The following PPM1H variants were observed in gnomAD, a reference collection of about 807,000 sequenced individuals.
The protein encoded by PPM1H is protein phosphatase 1H.
Under a neutral mutation model 54.9 loss-of-function variants are expected in PPM1H, and 27 were observed. The observed-to-expected ratio is 0.49, with a 90% confidence interval of 0.36 to 0.68. PPM1H has a LOEUF of 0.68. Ranked by LOEUF, PPM1H falls within the 30% of genes least tolerant of loss-of-function variation. PPM1H has a pLI of 0.00. For missense variants in PPM1H, 596 were observed against 667.8 expected (o/e 0.89, Z 1.19); for synonymous variants, 305 against 270.8 (o/e 1.13, Z -1.24).
At chr12:62,881,447 G>A (rs901571512) in intron 1 of PPM1H, among the ~76,000 whole-genome samples, 1 of 152,044 alleles carries the variant, frequency 6.6e-6, no homozygotes, top group Non-Finnish European at 1.5e-5. Flanking sequence ...AAGGAAGGGG[G>A]AGGGGGGAAG....
chr12:62,878,626 TAAAAAAAAAAAAAAAA>T (rs34587900), intron 1 of PPM1H, among the ~76,000 whole-genome samples: 6 of 81,564 alleles, frequency 7.4e-5, no homozygotes, highest in African/African-American at 1.5e-4. Flanking sequence ...TGATTACGCT[TAAAAAAAAAAAAAAAA>T]AAAAAAAAAA....
chr12:62,880,715 C>T (rs1169134022), intron 1 of PPM1H, among the ~76,000 whole-genome samples: 2 of 152,204 alleles, frequency 1.3e-5, no homozygotes, highest in African/African-American at 4.8e-5. Context: ...TCACTTGTCC[C>T]GTGCTCAGCT....
Position 62,934,857 on chromosome 12 carries a change from C to A in PPM1H, c.-121G>T, listed in dbSNP as rs1872278642. ...CGCACGGCGAGTCGGGCCACTGGGA[C>A]GCGCCGCGCGCGGCTCCCAGAGCCT... On this transcript the variant is annotated 5_prime_UTR_variant, in exon 1 of 10. Transcript: ENST00000228705. This position sits in a 1 kb window ranked among gnomAD's most constrained non-coding sequence, Gnocchi z 4.2. The A allele has an allele frequency of 4.0e-6, 4 of 1,006,668 alleles. No homozygotes were observed. Among genetic ancestry groups the A allele is most frequent in the South Asian group, 1.0e-4 (2 of 19,880 alleles). 62.4% of individuals were successfully genotyped at this position (1,006,668 alleles called of 1,614,324 possible). A position where few individuals can be genotyped will look rare whatever the true frequency, so the allele number is the denominator to read the frequency against.
chr12:62,930,597 T>TA (rs1253432810), intron 1 of PPM1H, among the ~76,000 whole-genome samples: 1 of 151,488 alleles, frequency 6.6e-6, no homozygotes, highest in African/African-American at 2.4e-5. Flanking sequence ...GGCAAACAGG[T>TA]AAAAAAAGAA....
intron 7 of PPM1H, among the ~76,000 whole-genome samples, chr12:62,690,173 GATCCATCC>G (rs747377788): frequency 4.0e-5 from 6 of 151,778 alleles, no homozygotes; most frequent in African/African-American, 1.4e-4. Context: ...AGGATTGATC[GATCCATCC>G]ATCCATCCAT....
chr12:62,930,536 T>C (rs1872099932), intron 1 of PPM1H, among the ~76,000 whole-genome samples: 1 of 152,210 alleles, frequency 6.6e-6, no homozygotes, highest in Admixed American at 6.5e-5. Context: ...ACAAATTCCA[T>C]GCCTGCTGGC....
chr12:62,792,066 A>G (rs1318825647), intron 3 of PPM1H, among the ~76,000 whole-genome samples: 2 of 152,274 alleles, frequency 1.3e-5, no homozygotes, highest in Non-Finnish European at 2.9e-5. Flanking sequence ...TCCACGTAAC[A>G]GGGCCGTCCA....
At chr12:62,913,160 G>T (rs1001081728) in intron 1 of PPM1H, among the ~76,000 whole-genome samples, 1 of 152,132 alleles carries the variant, frequency 6.6e-6, no homozygotes, top group Non-Finnish European at 1.5e-5. Context: ...GGGGAAGAAA[G>T]GGAGGAAATG....
At chr12:62,763,631 C>T (rs1005859037) in intron 4 of PPM1H, among the ~76,000 whole-genome samples, 1 of 152,212 alleles carries the variant, frequency 6.6e-6, no homozygotes, top group Non-Finnish European at 1.5e-5. Flanking sequence ...GTTGAAATCA[C>T]TAATGTGACT....
chr12:62,666,626 C>T (rs1026938990), intron 9 of PPM1H, among the ~76,000 whole-genome samples: 4 of 152,130 alleles, frequency 2.6e-5, no homozygotes, highest in East Asian at 3.9e-4. Flanking sequence ...AAAGGTATGC[C>T]GCTGAAATGC....
chr12:62,834,495 C>G (rs1273841349), intron 1 of PPM1H, among the ~76,000 whole-genome samples: 1 of 152,126 alleles, frequency 6.6e-6, no homozygotes, highest in East Asian at 1.9e-4. Context: ...CTATTGTGCC[C>G]TGGGGACATC....
chr12:62,746,941 A>C (rs1367826699), intron 4 of PPM1H, among the ~76,000 whole-genome samples: 1 of 152,038 alleles, frequency 6.6e-6, no homozygotes, highest in African/African-American at 2.4e-5. Context: ...AACGAGTAAC[A>C]AATTCTTTCT....
chr12:62,912,377 G>A (rs770681290), intron 1 of PPM1H, among the ~76,000 whole-genome samples: 46 of 152,170 alleles, frequency 3.0e-4, no homozygotes, highest in Admixed American at 5.2e-4. Context: ...CACTCTACGC[G>A]TCCATTTCAG....
chr12:62,906,330 C>A (rs1871301192), intron 1 of PPM1H, among the ~76,000 whole-genome samples: 1 of 152,154 alleles, frequency 6.6e-6, no homozygotes, highest in Non-Finnish European at 1.5e-5. Flanking sequence ...TGGTATTTTA[C>A]AACAGCTTTA....
At chr12:62,890,695 A>G (rs1870753402) in intron 1 of PPM1H, among the ~76,000 whole-genome samples, 1 of 149,282 alleles carries the variant, frequency 6.7e-6, no homozygotes, top group Non-Finnish European at 1.5e-5. Context: ...GAATATATAT[A>G]ATATCATTTC....
chr12:62,771,254 G>A (rs920481887), intron 4 of PPM1H, among the ~76,000 whole-genome samples: 1 of 147,566 alleles, frequency 6.8e-6, no homozygotes, highest in African/African-American at 2.5e-5. Context: ...GCTGCCCAGT[G>A]TGTCCCAAAG....
intron 1 of PPM1H, among the ~76,000 whole-genome samples, chr12:62,917,542 T>C (rs1430313194): frequency 6.6e-6 from 1 of 152,206 alleles, no homozygotes; most frequent in East Asian, 1.9e-4. Context: ...AAGCTTGTCA[T>C]CACCACCATG....
chr12:62,794,665 C>T (rs2076721731), intron 3 of PPM1H, among the ~76,000 whole-genome samples: 1 of 152,104 alleles, frequency 6.6e-6, no homozygotes, highest in Non-Finnish European at 1.5e-5. Flanking sequence ...CCTAGGAGGG[C>T]AAAGGCTTCC....
At chr12:62,908,454 C>T (rs814009) in intron 1 of PPM1H, among the ~76,000 whole-genome samples, 92,606 of 148,510 alleles carry the variant, frequency 0.62, 29,543 homozygotes, top group Non-Finnish European at 0.68. Flanking sequence ...GAGTTTTGCT[C>T]ATTTTTATTT....
Sources: allele counts gnomAD v4.1 joint callset (sites outside exome capture counted in the v4.1 genomes callset), GRCh38; gene constraint gnomAD v4.1.1; non-coding constraint Gnocchi (gnomAD v3.1); transcripts MANE v1.5; gene names NCBI Gene and HGNC (gene_info 2026-07-23, HGNC 2026-07-21).